CDH18: variants seen among roughly 807,000 people sequenced by gnomAD.
The protein encoded by CDH18 is cadherin-18.
A neutral mutation model predicts 67.9 loss-of-function variants in CDH18; 31 were observed. That is an observed-to-expected ratio of 0.46 (90% CI 0.34 to 0.62). The LOEUF (loss-of-function observed/expected upper bound fraction) is 0.62, where lower values mean the gene tolerates loss of function less well. Among genes scored for constraint, CDH18 ranks in the 20% least tolerant of loss-of-function variants. CDH18 has a pLI of 0.01. For synonymous variants in CDH18, 362 were observed against 347.2 expected, an observed-to-expected ratio of 1.04 and a Z score of -0.48; for missense variants, 890 against 975.5, an observed-to-expected ratio of 0.91 and a Z score of 1.17.
chr5:20,414,844 T>G (rs1473515889), intron 1 of CDH18, among the ~76,000 whole-genome samples: 3 of 152,138 alleles, frequency 2.0e-5, no homozygotes, highest in Admixed American at 6.6e-5. Flanking sequence ...AAACAAATGT[T>G]GCTGAGGGTC....
At chr5:20,175,588 T>G (rs1308070452) in intron 2 of CDH18, among the ~76,000 whole-genome samples, 3 of 152,136 alleles carry the variant, frequency 2.0e-5, no homozygotes, top group Non-Finnish European at 4.4e-5. Flanking sequence ...TCGAGCTGCT[T>G]TGGCATCCCT....
intron 2 of CDH18, among the ~76,000 whole-genome samples, chr5:19,978,361 T>C (rs1798705735): frequency 6.6e-6 from 1 of 152,158 alleles, no homozygotes; most frequent in Non-Finnish European, 1.5e-5. Context: ...TTGAGCAATA[T>C]AACAATTCCA....
intron 4 of CDH18, among the ~76,000 whole-genome samples, chr5:19,732,283 A>C (rs1273313393): frequency 6.6e-6 from 1 of 152,072 alleles, no homozygotes; most frequent in African/African-American, 2.4e-5. Flanking sequence ...TCTACAAAAA[A>C]AAAAGTTTTT....
At chr5:19,998,506 A>G (rs1736188333) in intron 2 of CDH18, among the ~76,000 whole-genome samples, 1 of 152,180 alleles carries the variant, frequency 6.6e-6, no homozygotes, top group Admixed American at 6.6e-5. Flanking sequence ...TAGGACCATT[A>G]GATATCAACA....
At chr5:19,924,279 T>C (rs1448536051) in intron 2 of CDH18, among the ~76,000 whole-genome samples, 1 of 152,134 alleles carries the variant, frequency 6.6e-6, no homozygotes, top group Non-Finnish European at 1.5e-5. Context: ...TCCTCCTCAG[T>C]GCCACTCTCT....
intron 2 of CDH18, among the ~76,000 whole-genome samples, chr5:19,999,710 A>G (rs1329070489): frequency 6.6e-6 from 1 of 152,194 alleles, no homozygotes; most frequent in Non-Finnish European, 1.5e-5. Flanking sequence ...AGAATGAGAA[A>G]ACAGTGCAAA....
intron 1 of CDH18, chr5:20,305,606 G>T: frequency 1.8e-6 from 1 of 544,038 alleles, no homozygotes; most frequent in Non-Finnish European, 3.3e-6. Context: ...CAGAGGACTT[G>T]GTGCTCGGCA....
At chr5:19,669,853 T>A (rs1387635004) in intron 5 of CDH18, among the ~76,000 whole-genome samples, 1 of 152,146 alleles carries the variant, frequency 6.6e-6, no homozygotes, top group Admixed American at 6.6e-5. Flanking sequence ...ATACAATGGT[T>A]AACACAACAG....
chr5:20,081,373 A>G (rs184804549), intron 2 of CDH18, among the ~76,000 whole-genome samples: 1 of 152,268 alleles, frequency 6.6e-6, no homozygotes, highest in East Asian at 1.9e-4. Flanking sequence ...AGGAGACTAA[A>G]CTAGTTCAGC....
At chr5:20,517,905 G>T (rs1047109398) in intron 1 of CDH18, among the ~76,000 whole-genome samples, 1 of 151,980 alleles carries the variant, frequency 6.6e-6, no homozygotes, top group Non-Finnish European at 1.5e-5. Flanking sequence ...CAGTTGAGAG[G>T]GAATTGAAGT....
At chr5:20,524,194 C>A (rs1755908542) in intron 1 of CDH18, among the ~76,000 whole-genome samples, 2 of 152,124 alleles carry the variant, frequency 1.3e-5, no homozygotes, top group South Asian at 4.1e-4. Context: ...AAATTAGTTT[C>A]TTTAATATTT....
intron 2 of CDH18, among the ~76,000 whole-genome samples, chr5:19,865,592 C>T (rs1008220501): frequency 1.3e-5 from 2 of 152,060 alleles, no homozygotes; most frequent in African/African-American, 4.8e-5. Flanking sequence ...CACTGAGAAT[C>T]CCACATGGCA....
intron 1 of CDH18, among the ~76,000 whole-genome samples, chr5:20,509,332 T>C (rs912149371): frequency 1.3e-5 from 2 of 152,156 alleles, no homozygotes; most frequent in African/African-American, 4.8e-5. Context: ...GTGGTATTTG[T>C]CCTTTTGTGC....
At chr5:20,029,469 T>C (rs1300404780) in intron 2 of CDH18, among the ~76,000 whole-genome samples, 1 of 152,198 alleles carries the variant, frequency 6.6e-6, no homozygotes, top group African/African-American at 2.4e-5. Flanking sequence ...CCAGAAAAAT[T>C]CTGGTATTTG....
chr5:19,950,358 T>C (rs1327374916), intron 2 of CDH18, among the ~76,000 whole-genome samples: 1 of 151,974 alleles, frequency 6.6e-6, no homozygotes, highest in Non-Finnish European at 1.5e-5. Flanking sequence ...TAATGGACTT[T>C]AGGTATTCAG....
chr5:19,942,047 C>T (rs1376573168), intron 2 of CDH18, among the ~76,000 whole-genome samples: 3 of 151,990 alleles, frequency 2.0e-5, no homozygotes, highest in African/African-American at 7.2e-5. Context: ...ACAAAGAAGA[C>T]ATAATCAGGA....
chr5:20,384,245 C>T (rs1460570556), intron 1 of CDH18, among the ~76,000 whole-genome samples: 1 of 152,086 alleles, frequency 6.6e-6, no homozygotes, highest in South Asian at 2.1e-4. Context: ...AGGAACAACT[C>T]ATTTCCCCCC....
At chr5:19,555,216 GA>G (rs1163316503) in intron 8 of CDH18, among the ~76,000 whole-genome samples, 1 of 152,164 alleles carries the variant, frequency 6.6e-6, no homozygotes, top group East Asian at 1.9e-4. Context: ...CCCACACTGT[GA>G]ACTTTTGCTC....
Position 19,747,093 on chromosome 5 carries a change from A to G in CDH18, c.372T>C (p.Tyr124=), listed in dbSNP as rs1299315859. The change falls in exon 4 of 13, where the codon TAT becomes TAC. Residue 124 remains tyrosine, a synonymous_variant. Coordinates refer to ENST00000382275, the MANE Select transcript of CDH18 (RefSeq NM_004934.5). The part of the protein sequence containing the change: ...KSLDREQKTH[Y]VLHAQAIDRR... ...TATCAATAGCTTGAGCATGAAGCAC[A>G]TAGTGGGTCTTCTGCTCTCTGTCTA... The G allele has an allele frequency of 6.2e-7, 1 of 1,614,142 alleles. No homozygotes were observed. Among genetic ancestry groups the G allele is most frequent in the Non-Finnish European group, 8.5e-7 (1 of 1,180,026 alleles).
Sources: allele counts gnomAD v4.1 joint callset (sites outside exome capture counted in the v4.1 genomes callset), GRCh38; gene constraint gnomAD v4.1.1; transcripts MANE v1.5; gene names NCBI Gene and HGNC (gene_info 2026-07-23, HGNC 2026-07-21).